The following NID2 variants were observed in gnomAD, a reference collection of about 807,000 sequenced individuals.
NID2 encodes nidogen-2.
A neutral mutation model predicts 145.4 loss-of-function variants in NID2; 83 were observed. That is an observed-to-expected ratio of 0.57 (90% CI 0.48 to 0.69). The LOEUF is 0.69. Among genes scored for constraint, NID2 ranks in the 30% least tolerant of loss-of-function variants. NID2 has a pLI of 0.00. For synonymous variants in NID2, 739 were observed against 701.3 expected (o/e 1.05, Z -0.85); for missense variants, 1,807 against 1,765.7 (o/e 1.02, Z -0.42).
intron 9 of NID2, among the ~76,000 whole-genome samples, chr14:52,030,532 GAA>G (rs1168500713): frequency 4.9e-4 from 21 of 42,528 alleles, no homozygotes; most frequent in Non-Finnish European, 6.5e-4. Context: ...AAGAAAGAAA[GAA>G]AGAAAGAAAG....
At chr14:52,054,807 C>A (rs1240113222) in intron 3 of NID2, among the ~76,000 whole-genome samples, 1 of 152,208 alleles carries the variant, frequency 6.6e-6, no homozygotes, top group Admixed American at 6.5e-5. Context: ...CTAAAGGGAT[C>A]ATACTGGACT....
Position 52,019,222 on chromosome 14 carries a change from GC to G in NID2, c.2866del (p.Ala956ProfsTer146). On this transcript the variant is annotated frameshift_variant, in exon 14 of 22. Coordinates refer to ENST00000216286, the MANE Select transcript of NID2 (RefSeq NM_007361.4). LOFTEE classifies it high-confidence loss of function. ...GTCGCATTGGGGGATGTGGAACCGGGCCCCAGGGTAGGCATACTGGGCCTGG... is the reference window on the plus strand; with the variant it reads ...GTCGCATTGGGGGATGTGGAACCGGGCCCAGGGTAGGCATACTGGGCCTGG... ...HAQAQYAYPG[A>X]RFHIPQCDEQ... 6.2e-7 allele frequency: 1 copy of G among 1,613,162 alleles called. No homozygotes were observed.
chr14:52,068,339 G>A (rs1893299682), intron 1 of NID2, among the ~76,000 whole-genome samples, 176 bp from the exon 2 acceptor site: 1 of 152,196 alleles, frequency 6.6e-6, no homozygotes, highest in South Asian at 2.1e-4. Flanking sequence ...CCAGCTCCGC[G>A]CTGCAGTAGG....
At chr14:52,041,503 A>G (rs1892277628) in intron 7 of NID2, among the ~76,000 whole-genome samples, 2 of 152,208 alleles carry the variant, frequency 1.3e-5, no homozygotes, top group African/African-American at 4.8e-5. Context: ...GAGAATCCAA[A>G]AAGTATCTTC....
In NID2 at chr14:52,048,824, G is replaced by T. The variant is rs1009410078; in HGVS notation, c.1429+4755C>A. Reference sequence around the variant, plus strand: ...GAGACATTTGGGCAGAGGCCTGGAGGTGTTGAAGGAGTGAGGTGGCTTAAA... The same window carrying T: ...GAGACATTTGGGCAGAGGCCTGGAGTTGTTGAAGGAGTGAGGTGGCTTAAA... On this transcript the variant is annotated intron_variant, in intron 5 of 21. Coordinates refer to ENST00000216286, the MANE Select transcript of NID2 (RefSeq NM_007361.4). 1.2e-4 allele frequency among the ~76,000 whole-genome samples: 18 copies of T among 152,202 alleles called. 2 individuals are homozygous for T. The highest frequency in any genetic ancestry group is 1.0e-3 in the Admixed American group (16 of 15,278).
At chr14:52,020,250 A>T (rs1337823914) in intron 12 of NID2, 72 bp from the exon 13 acceptor site, 2 of 1,592,818 alleles carry the variant, frequency 1.3e-6, no homozygotes. Flanking sequence ...GTGCGACTGC[A>T]TGGGCTTTGG....
At chr14:52,019,029 T>A in intron 14 of NID2, 32 bp downstream of exon 14, 1 of 1,567,868 alleles carries the variant, frequency 6.4e-7, no homozygotes, top group Non-Finnish European at 8.8e-7. Context: ...ACCAGTGCCA[T>A]TCTGCTTCTT....
intron 14 of NID2, 28 bp downstream of exon 14, chr14:52,019,033 G>T: frequency 1.3e-6 from 2 of 1,577,466 alleles, no homozygotes; most frequent in Non-Finnish European, 8.7e-7. Context: ...GTGCCATTCT[G>T]CTTCTTGAGC....
chr14:52,065,471 T>TC (rs1555366648), intron 2 of NID2, among the ~76,000 whole-genome samples: 18 of 127,644 alleles, frequency 1.4e-4, no homozygotes, highest in Non-Finnish European at 3.2e-4. Flanking sequence ...TTTTTTTTTT[T>TC]CCCCTTTCTT....
In NID2 at chr14:52,011,941, A is replaced by G. The variant is rs187366756; in HGVS notation, c.3421-258T>C. On this transcript the variant is annotated intron_variant, in intron 16 of 21. Transcript: ENST00000216286. The stretch of plus-strand genomic sequence containing the variant: ...GAGGCCAATAGTGTACCTGCCTCAT[A>G]TGGTTGCTATAAAAATTAATACTAT... 151 of 388,222 alleles carry G rather than the reference A, an allele frequency of 3.9e-4. 1 individual carries two copies. The highest frequency in any genetic ancestry group is 3.8e-5 in the South Asian group (1 of 26,056). The allele number at this position is 388,222 out of a possible 1,614,324, so 24.0% of individuals were successfully genotyped here. A position where few individuals can be genotyped will look rare whatever the true frequency, so the allele number is the denominator to read the frequency against.
chr14:52,007,934 A>G lies in NID2; in HGVS notation c.3756T>C (p.Ala1252=). The change falls in exon 19 of 22, where the codon GCT becomes GCC. Residue 1252 remains alanine, a synonymous_variant. Coordinates refer to ENST00000216286, the MANE Select transcript of NID2 (RefSeq NM_007361.4). ...NLYWTDWNRE[A]PKIETSSLDG... ...CTAAAGATGACGTTTCAATTTTAGG[A>G]GCTTCTCTATTCCAGTCTGTCCAGT... is the stretch of plus-strand genomic sequence containing the variant. The G allele has an allele frequency of 6.2e-7, 1 of 1,613,580 alleles. No individual in the cohort carries two copies. The highest frequency in any genetic ancestry group is 1.1e-5 in the South Asian group (1 of 90,970).
chr14:52,045,211 T>G (rs1349136852), intron 5 of NID2, among the ~76,000 whole-genome samples: 2 of 152,148 alleles, frequency 1.3e-5, no homozygotes. Context: ...CAGGGAAGAT[T>G]ATCGAGATGA....
At chr14:52,042,401 G>A (rs1892317983) in intron 6 of NID2, 51 bp from the exon 7 acceptor site, 8 of 1,549,346 alleles carry the variant, frequency 5.2e-6, no homozygotes, top group Non-Finnish European at 7.0e-6. Context: ...GGCTAGAGAT[G>A]GGTGTACCCA....
chr14:52,043,252 T>C (rs1892352568), intron 5 of NID2, among the ~76,000 whole-genome samples: 1 of 152,168 alleles, frequency 6.6e-6, no homozygotes, highest in African/African-American at 2.4e-5. Context: ...ACCACTATTT[T>C]TGTGGGTCAA....
chr14:52,050,287 C>T (rs751734491), intron 5 of NID2, among the ~76,000 whole-genome samples: 89 of 152,154 alleles, frequency 5.8e-4, no homozygotes, highest in Non-Finnish European at 1.1e-3. Flanking sequence ...CAACCTTTGT[C>T]TCTGTCTCTC....
chr14:52,065,973 A>G (rs1388791248), intron 2 of NID2, among the ~76,000 whole-genome samples: 2 of 150,556 alleles, frequency 1.3e-5, no homozygotes, highest in African/African-American at 4.9e-5. Flanking sequence ...ATACGTGTGC[A>G]TGTGTCTTTA....
chr14:52,053,503 G>A, intron 5 of NID2, 76 bp downstream of exon 5: 3 of 1,485,604 alleles, frequency 2.0e-6, no homozygotes, highest in South Asian at 1.4e-5. Flanking sequence ...ACCCACTTAA[G>A]AGAAAAATCA....
chr14:52,052,649 C>T (rs1168234692), intron 5 of NID2, among the ~76,000 whole-genome samples: 1 of 152,174 alleles, frequency 6.6e-6, no homozygotes, highest in Non-Finnish European at 1.5e-5. Flanking sequence ...GAGCAGAACC[C>T]AGAAGGCCCT....
chr14:52,043,379 T>G (rs1269107185), intron 5 of NID2, among the ~76,000 whole-genome samples: 1 of 152,190 alleles, frequency 6.6e-6, no homozygotes, highest in African/African-American at 2.4e-5. Context: ...TAGGGAACAC[T>G]GAACTTAAAA....
Sources: gnomAD v4.1 joint callset for allele counts (sites outside exome capture counted in the v4.1 genomes callset) on GRCh38, gnomAD v4.1.1 for gene constraint, MANE v1.5 for transcripts, NCBI Gene and HGNC (gene_info 2026-07-23, HGNC 2026-07-21) for gene names.